The following KIAA1958 variants were observed in gnomAD, a reference collection of about 807,000 sequenced individuals.
The protein encoded by KIAA1958 is KIAA1958.
KIAA1958 carries 14 observed loss-of-function variants against 47.2 expected under a neutral mutation model. The observed-to-expected ratio is 0.30, with a 90% CI of 0.20 to 0.46. The LOEUF is 0.46. Among genes scored for constraint, KIAA1958 ranks in the 20% least tolerant of loss-of-function variants. The pLI, the probability that KIAA1958 is intolerant of heterozygous loss-of-function variation, is 1.00. For missense variants in KIAA1958, 803 were observed against 909.2 expected (o/e 0.88, Z 1.50); for synonymous variants, 354 against 353.3 (o/e 1.00, Z -0.02).
intron 1 of KIAA1958, among the ~76,000 whole-genome samples, chr9:112,506,067 T>C (rs557240270): frequency 2.0e-5 from 3 of 152,372 alleles, no homozygotes; most frequent in African/African-American, 7.2e-5. Flanking sequence ...ATTGTGTTTC[T>C]ATAAAGTAAT....
intron 1 of KIAA1958, among the ~76,000 whole-genome samples, chr9:112,539,430 A>G (rs1024775982): frequency 6.6e-6 from 1 of 152,242 alleles, no homozygotes; most frequent in Non-Finnish European, 1.5e-5. Flanking sequence ...ATCAAGTTAT[A>G]AAAGACTACA....
chr9:112,579,493 C>T (rs953579465), intron 2 of KIAA1958, among the ~76,000 whole-genome samples: 18 of 152,052 alleles, frequency 1.2e-4, no homozygotes, highest in Admixed American at 1.1e-3. Context: ...GTCTCAGCTT[C>T]ATTTGTTGAA....
chr9:112,570,737 T>C (rs974207044), intron 1 of KIAA1958, among the ~76,000 whole-genome samples: 7 of 152,200 alleles, frequency 4.6e-5, no homozygotes, highest in Non-Finnish European at 1.0e-4. Context: ...AATATGCATA[T>C]ATACATGAGA....
intron 2 of KIAA1958, among the ~76,000 whole-genome samples, chr9:112,594,545 A>G (rs908090032): frequency 1.3e-5 from 2 of 152,226 alleles, no homozygotes; most frequent in Admixed American, 1.3e-4. Context: ...GTGTTATAGT[A>G]TCTATCAGTA....
chr9:112,574,989 C>T lies in KIAA1958; in HGVS notation c.909C>T (p.Asn303=). ...GACCCCCTGGTACACATGGCACCAA[C>T]CAACAGGTGGCCATGCAAATGCCTG... ...NRGPPGTHGT[N]QQVAMQMPVS... is the part of the protein sequence containing the mutation. Residue 303 remains asparagine, a synonymous_variant, in exon 2 of 4, where the codon AAC becomes AAT. Coordinates refer to ENST00000337530, the MANE Select transcript of KIAA1958 (RefSeq NM_133465.4). 4.3e-6 allele frequency: 7 copies of T among 1,614,218 alleles called. No homozygotes were observed. Among genetic ancestry groups the T allele is most frequent in the Non-Finnish European group, 5.9e-6 (7 of 1,180,034 alleles).
intron 2 of KIAA1958, among the ~76,000 whole-genome samples, chr9:112,630,264 A>G (rs887721359): frequency 1.3e-5 from 2 of 152,162 alleles, no homozygotes; most frequent in African/African-American, 2.4e-5. Context: ...CAATTAACTC[A>G]CTTGTTTTTG....
chr9:112,594,560 A>C (rs7852336), intron 2 of KIAA1958, among the ~76,000 whole-genome samples: 127,299 of 152,192 alleles, frequency 0.84, 53,790 homozygotes, highest in African/African-American at 0.94. Flanking sequence ...TCAGTACTTC[A>C]TTTCTTCTTA....
At chr9:112,631,704 C>T (rs1457312528) in intron 2 of KIAA1958, among the ~76,000 whole-genome samples, 1 of 151,920 alleles carries the variant, frequency 6.6e-6, no homozygotes, top group African/African-American at 2.4e-5. Context: ...TAGATAAGAA[C>T]GTTTAACTTT....
intron 2 of KIAA1958, among the ~76,000 whole-genome samples, chr9:112,619,611 G>C (rs186385040): frequency 6.6e-6 from 1 of 152,246 alleles, no homozygotes; most frequent in African/African-American, 2.4e-5. Context: ...GGAGATACAT[G>C]ATTTTAAAAT....
rs767948118 is a variant in KIAA1958, at chr9:112,659,537, A to C, written c.1619A>C (p.Glu540Ala). ...TACTTCTCCCTTTCTGACGAGGAGG[A>C]GATGTGGCAGGCAGGGTGTCTGGGG... ...IVYFSLSDEE[E>A]MWQAGCLGDD... The change falls in exon 4 of 4, where the codon GAG (glutamate) becomes GCG (alanine). Residue 540 changes from glutamate to alanine, a missense_variant. Transcript: ENST00000337530. 1.9e-6 allele frequency: 3 copies of C among 1,613,106 alleles called. No individual in the cohort carries two copies. Among genetic ancestry groups the C allele is most frequent in the South Asian group, 1.1e-5 (1 of 90,902 alleles).
At chr9:112,555,900 C>A (rs1047269898) in intron 1 of KIAA1958, among the ~76,000 whole-genome samples, 1 of 121,164 alleles carries the variant, frequency 8.3e-6, no homozygotes, top group East Asian at 3.0e-4. Flanking sequence ...CATGGTAAAA[C>A]CCCGTCTCTA....
chr9:112,634,331 C>T (rs760309480), intron 2 of KIAA1958, among the ~76,000 whole-genome samples: 3 of 152,028 alleles, frequency 2.0e-5, no homozygotes, highest in Non-Finnish European at 2.9e-5. Context: ...TGGGTTCAAG[C>T]GATTCTCCTG....
chr9:112,598,462 A>C (rs1836069573), intron 2 of KIAA1958, among the ~76,000 whole-genome samples: 1 of 152,172 alleles, frequency 6.6e-6, no homozygotes. Context: ...AAGCTCATAC[A>C]CTCAGGCTGC....
chr9:112,541,613 G>A (rs771876359), intron 1 of KIAA1958, among the ~76,000 whole-genome samples: 1 of 152,130 alleles, frequency 6.6e-6, no homozygotes, highest in Non-Finnish European at 1.5e-5. Context: ...AGACCAGCCC[G>A]TCCAACATGG....
intron 1 of KIAA1958, among the ~76,000 whole-genome samples, chr9:112,506,794 C>CT (rs775433523): frequency 1.3e-5 from 2 of 151,440 alleles, no homozygotes; most frequent in African/African-American, 4.9e-5. Context: ...AAGTTTTTGC[C>CT]TTTTTTTGCC....
In KIAA1958 at chr9:112,575,204, C is replaced by T. The variant is rs960317167; in HGVS notation, c.1124C>T (p.Pro375Leu). The T allele has an allele frequency of 1.9e-6, 3 of 1,578,652 alleles. No homozygotes were observed. Among genetic ancestry groups the T allele is most frequent in the Non-Finnish European group, 8.5e-7 (1 of 1,169,766 alleles). The stretch of plus-strand genomic sequence containing the variant: ...GTGAGCTCCAGTCAGCAGCAGCCCC[C>T]AGTCGCTCCAGCCATAACCACTGAG... ...PEVSSSQQQPPVAPAITTEAT... is the reference protein window; with the variant it reads ...PEVSSSQQQPLVAPAITTEAT... The change falls in exon 2 of 4, where the codon CCA becomes CTA. Residue 375 changes from proline to leucine, a missense_variant. Pro to Leu is a moderately conservative substitution (Grantham distance 98, BLOSUM62 -3). This residue lies in a region of KIAA1958 where 761 missense variants were observed against 829.3 expected (regional missense o/e 0.92). Transcript: ENST00000337530.
chr9:112,596,882 C>T (rs566517753), intron 2 of KIAA1958, among the ~76,000 whole-genome samples: 11 of 152,228 alleles, frequency 7.2e-5, no homozygotes, highest in African/African-American at 2.6e-4. Flanking sequence ...AAGATGCCTT[C>T]ATATTTTGAT....
intron 2 of KIAA1958, among the ~76,000 whole-genome samples, chr9:112,592,135 G>A (rs982317399): frequency 3.9e-5 from 6 of 152,216 alleles, no homozygotes; most frequent in Non-Finnish European, 8.8e-5. Flanking sequence ...TTAGGGTGGA[G>A]CAGGTGATCG....
At chr9:112,499,188 T>C (rs574005647) in intron 1 of KIAA1958, among the ~76,000 whole-genome samples, 2 of 152,358 alleles carry the variant, frequency 1.3e-5, no homozygotes, top group East Asian at 3.8e-4. Flanking sequence ...ATTGTGAAAG[T>C]ACTACAATAA....
Sources: allele counts gnomAD v4.1 joint callset (sites outside exome capture counted in the v4.1 genomes callset), GRCh38; gene constraint gnomAD v4.1.1; regional missense constraint gnomAD v4.1.1; transcripts MANE v1.5; gene names NCBI Gene and HGNC (gene_info 2026-07-23, HGNC 2026-07-21).